The following MEGF11 variants were observed in gnomAD, a reference collection of about 807,000 sequenced individuals.
MEGF11 encodes multiple epidermal growth factor-like domains protein 11.
Under a neutral mutation model 146.6 loss-of-function variants are expected in MEGF11, and 126 were observed. The ratio of observed to expected loss-of-function variants is 0.86; its 90% CI spans 0.74 to 1.00. MEGF11 has a LOEUF of 1.00. MEGF11 is among the 50% of genes least tolerant of loss of function. The probability of loss-of-function intolerance (pLI) is 0.00; values close to 1 mark genes in which losing one functional copy is unlikely to be tolerated. For synonymous variants in MEGF11, 532 were observed against 583.4 expected (o/e 0.91, Z 1.27); for missense variants, 1,509 against 1,521.2 (o/e 0.99, Z 0.13).
chr15:66,192,071 C>G (rs1323688110), intron 1 of MEGF11, among the ~76,000 whole-genome samples: 1 of 151,974 alleles, frequency 6.6e-6, no homozygotes, highest in Non-Finnish European at 1.5e-5. Flanking sequence ...CAGCAAGACT[C>G]CGTCTCAAAA....
chr15:66,017,425 G>A (rs992668010), intron 5 of MEGF11, among the ~76,000 whole-genome samples: 1 of 152,206 alleles, frequency 6.6e-6, no homozygotes, highest in African/African-American at 2.4e-5. Context: ...CTGACTGAGC[G>A]CCAGATGACT....
intron 1 of MEGF11, among the ~76,000 whole-genome samples, chr15:66,225,874 C>T (rs1168184260): frequency 6.6e-6 from 1 of 152,136 alleles, no homozygotes; most frequent in Non-Finnish European, 1.5e-5. Flanking sequence ...TGCAAACATG[C>T]TCATATGCAC....
chr15:65,916,348 C>G lies in MEGF11; in HGVS notation c.2216-72G>C. ...ACAAGGGGGACAGCAGGAACCAGAC[C>G]TGTCTTCTGTCTCTTTTTTTGCTGA... On this transcript the variant is annotated intron_variant, in intron 17 of 25. Transcript: ENST00000395614. The G allele has an allele frequency of 3.4e-6, 5 of 1,480,992 alleles. No homozygotes were observed. In the South Asian group the frequency reaches 5.2e-5, roughly 15 times the overall value. 91.7% of individuals were successfully genotyped at this position (1,480,992 alleles called of 1,614,324 possible). A position where few individuals can be genotyped will look rare whatever the true frequency, so the allele number is the denominator to read the frequency against.
intron 7 of MEGF11, 71 bp downstream of exon 7, chr15:65,980,707 T>A: frequency 6.7e-7 from 1 of 1,484,440 alleles, no homozygotes; most frequent in Admixed American, 2.5e-5. Context: ...TAGTTTAGCC[T>A]TTTAAGGTAT....
chr15:66,177,967 G>A (rs2090435552), intron 1 of MEGF11, among the ~76,000 whole-genome samples: 1 of 151,848 alleles, frequency 6.6e-6, no homozygotes, highest in Non-Finnish European at 1.5e-5. Flanking sequence ...TTACAGGTGT[G>A]AGCCACCATG....
intron 3 of MEGF11, among the ~76,000 whole-genome samples, chr15:66,121,403 C>T (rs980649576): frequency 6.6e-6 from 1 of 152,188 alleles, no homozygotes; most frequent in African/African-American, 2.4e-5. Flanking sequence ...GCAGTAATAG[C>T]TGAGTTGCTC....
At chr15:66,165,773 G>A (rs1248978656) in intron 1 of MEGF11, among the ~76,000 whole-genome samples, 1 of 152,148 alleles carries the variant, frequency 6.6e-6, no homozygotes, top group African/African-American at 2.4e-5. Flanking sequence ...GACAAGAAAG[G>A]AAGTGAAGAC....
chr15:65,929,509 A>G (rs2079494786), intron 12 of MEGF11, among the ~76,000 whole-genome samples: 1 of 152,202 alleles, frequency 6.6e-6, no homozygotes, highest in Non-Finnish European at 1.5e-5. Flanking sequence ...CACATCTGCC[A>G]AGTATTTGCC....
rs375501533 is a variant in MEGF11 at position 66,111,625 on chromosome 15, C to T, written c.301+7461G>A. Among the ~76,000 whole-genome samples the T allele has an allele frequency of 2.6e-5, 4 of 152,298 alleles. No homozygotes were observed. The East Asian group carries it at 5.8e-4, about 22-fold the overall frequency. On this transcript the variant is annotated intron_variant, in intron 4 of 25. Transcript: ENST00000395614. The stretch of plus-strand genomic sequence containing the variant: ...ATACCCACTCAAGGGCAGACTTGGC[C>T]TTGGAAGTCGCCAGCTCCATGTAGG...
chr15:66,016,623 C>G (rs986092606), intron 5 of MEGF11, among the ~76,000 whole-genome samples: 1 of 151,992 alleles, frequency 6.6e-6, no homozygotes, highest in Non-Finnish European at 1.5e-5. Context: ...AGCTACAAAT[C>G]CAAGCTGACA....
At chr15:66,096,554 C>T (rs1033380836) in intron 4 of MEGF11, among the ~76,000 whole-genome samples, 8 of 152,180 alleles carry the variant, frequency 5.3e-5, no homozygotes, top group African/African-American at 1.4e-4. Context: ...CAGCCTCCCC[C>T]GCCCACATGG....
chr15:65,922,630 C>T (rs1193676956), intron 14 of MEGF11, among the ~76,000 whole-genome samples, 158 bp from the exon 15 acceptor site: 1 of 152,178 alleles, frequency 6.6e-6, no homozygotes, highest in African/African-American at 2.4e-5. Flanking sequence ...TGTGGTGTGG[C>T]CCTGTTTCCA....
intron 1 of MEGF11, among the ~76,000 whole-genome samples, chr15:66,210,185 ATGGT>A (rs376883801): frequency 1.3e-5 from 2 of 152,296 alleles, no homozygotes; most frequent in East Asian, 3.9e-4. Flanking sequence ...ACACTGTACT[ATGGT>A]TTTGCAAGAT....
At chr15:66,054,021 C>A (rs1344939680) in intron 5 of MEGF11, among the ~76,000 whole-genome samples, 1 of 152,028 alleles carries the variant, frequency 6.6e-6, no homozygotes, top group Non-Finnish European at 1.5e-5. Flanking sequence ...CCATGCCCGG[C>A]CTCCCTGACC....
At position 65,913,835 on chromosome 15, in the gene MEGF11, C is replaced by G; in HGVS notation, c.2612G>C (p.Trp871Ser). Residue 871 changes from tryptophan to serine, a missense_variant, in exon 20 of 26, where the codon TGG (tryptophan) becomes TCG (serine). By Grantham distance (177) the Trp-to-Ser change is radical. Coordinates refer to ENST00000395614, the MANE Select transcript of MEGF11 (RefSeq NM_001385028.1). ...LIVVLLGLFA[W>S]HRRRQKEKGR... is the part of the protein sequence containing the mutation. Reference sequence around the variant, plus strand: ...CTTCTCTTTCTGCCGCCGCCGATGCCAGGCAAATAGGCCCAGCAGCACCAC... The same window carrying G: ...CTTCTCTTTCTGCCGCCGCCGATGCGAGGCAAATAGGCCCAGCAGCACCAC... 6.2e-7 allele frequency: 1 copy of G among 1,613,994 alleles called. No homozygotes were observed. The highest frequency in any genetic ancestry group is 8.5e-7 in the Non-Finnish European group (1 of 1,179,884).
chr15:66,082,958 A>C (rs528491105), intron 5 of MEGF11, among the ~76,000 whole-genome samples: 1 of 152,240 alleles, frequency 6.6e-6, no homozygotes, highest in South Asian at 2.1e-4. Flanking sequence ...CACCTGTCCC[A>C]GGCCAGGGGC....
chr15:66,243,264 C>T (rs761346954), intron 1 of MEGF11, among the ~76,000 whole-genome samples: 70 of 152,182 alleles, frequency 4.6e-4, no homozygotes, highest in Non-Finnish European at 8.5e-4. Context: ...CCCAGGTTGA[C>T]GGTTGCCCAT....
chr15:66,113,268 C>G (rs529063604), intron 4 of MEGF11, among the ~76,000 whole-genome samples: 61 of 152,250 alleles, frequency 4.0e-4, no homozygotes, highest in African/African-American at 1.4e-3. Flanking sequence ...GCTCCCCAAG[C>G]CAGCCGGGCC....
rs145719290 is a variant in MEGF11, at chr15:66,043,558, A to C, written c.394+50844T>G. On this transcript the variant is annotated intron_variant, in intron 5 of 25. Transcript: ENST00000395614. Reference sequence around the variant, plus strand: ...AAGAAGCCATATTTGAGAAGGCTTTATCAGCATCCAGAGTCCCAGATGACC... The same window carrying C: ...AAGAAGCCATATTTGAGAAGGCTTTCTCAGCATCCAGAGTCCCAGATGACC... Among the ~76,000 whole-genome samples the C allele has an allele frequency of 4.5e-3, 686 of 152,362 alleles. 4 individuals carry two copies. The highest frequency in any genetic ancestry group is 0.016 in the African/African-American group (652 of 41,582).
Sources: gnomAD v4.1 joint callset for allele counts (sites outside exome capture counted in the v4.1 genomes callset) on GRCh38, gnomAD v4.1.1 for gene constraint, MANE v1.5 for transcripts, NCBI Gene and HGNC (gene_info 2026-07-23, HGNC 2026-07-21) for gene names.